The following CHRNA3 variants were observed in gnomAD, a reference collection of about 807,000 sequenced individuals.
CHRNA3 encodes cholinergic receptor nicotinic alpha 3 subunit.
In CHRNA3, 34 loss-of-function variants were observed where a neutral mutation model predicts 41.9. The observed-to-expected ratio is 0.81, with a 90% CI of 0.62 to 1.08. The LOEUF (loss-of-function observed/expected upper bound fraction) is 1.08. Ranked by LOEUF, CHRNA3 falls within the 50% of genes least tolerant of loss-of-function variation. CHRNA3 has a pLI of 0.00. For missense variants in CHRNA3, 542 were observed against 638.3 expected, an observed-to-expected ratio of 0.85 and a Z score of 1.63; for synonymous variants, 281 against 265.2, an observed-to-expected ratio of 1.06 and a Z score of -0.58.
At chr15:78,597,304 C>G (rs1050621894) in intron 5 of CHRNA3, among the ~76,000 whole-genome samples, 3 of 152,092 alleles carry the variant, frequency 2.0e-5, no homozygotes, top group African/African-American at 4.8e-5. Flanking sequence ...GTGGCACATG[C>G]CTGTAATCCC....
intron 4 of CHRNA3, among the ~76,000 whole-genome samples, chr15:78,612,203 T>C (rs1207095996): frequency 6.6e-6 from 1 of 151,818 alleles, no homozygotes; most frequent in Admixed American, 6.6e-5. Flanking sequence ...CTTCACAGAA[T>C]TGGAAAAAAC....
At chr15:78,617,941 T>C (rs570816400) in intron 3 of CHRNA3, among the ~76,000 whole-genome samples, 1 of 152,314 alleles carries the variant, frequency 6.6e-6, no homozygotes, top group African/African-American at 2.4e-5. Flanking sequence ...CAGCATCTTA[T>C]TCTGACTTAA....
intron 3 of CHRNA3, 146 bp downstream of exon 3, chr15:78,618,471 A>AAG (rs2053498519): frequency 1.2e-6 from 1 of 866,332 alleles, no homozygotes; most frequent in Non-Finnish European, 1.9e-6. Context: ...CAAGCCTTAG[A>AAG]AGAGATATAT....
Position 78,595,920 on chromosome 15 carries a change from A to C in CHRNA3, c.*684T>G, listed in dbSNP as rs1345418075. On this transcript the variant is annotated 3_prime_UTR_variant, in exon 6 of 6. Transcript: ENST00000326828. ...CTTTGAGGAAGAGGACCCTCACCAG[A>C]CACCAAATTTGCTGGTGCCTTGACC... 3.4e-6 allele frequency: 1 copy of C among 295,846 alleles called. No individual in the cohort carries two copies. Among genetic ancestry groups the C allele is most frequent in the East Asian group, 1.8e-4 (1 of 5,672 alleles). 18.3% of individuals were successfully genotyped at this position (295,846 alleles called of 1,614,324 possible).
intron 4 of CHRNA3, among the ~76,000 whole-genome samples, chr15:78,612,987 C>T (rs1285238322): frequency 8.5e-5 from 13 of 152,082 alleles, no homozygotes; most frequent in African/African-American, 3.1e-4. Context: ...CGTCACTGGC[C>T]ATCAGAGAAA....
intron 1 of CHRNA3, 94 bp from the exon 2 acceptor site, chr15:78,619,009 T>C: frequency 1.5e-6 from 2 of 1,366,104 alleles, no homozygotes; most frequent in Non-Finnish European, 2.0e-6. Context: ...CAGCATCCCC[T>C]CCACCTGTGG....
At chr15:78,603,431 C>T (rs1225416061) in intron 4 of CHRNA3, among the ~76,000 whole-genome samples, 1 of 152,236 alleles carries the variant, frequency 6.6e-6, no homozygotes, top group East Asian at 1.9e-4. Flanking sequence ...ATGAGGCCAT[C>T]TGAGAGCAAG....
intron 4 of CHRNA3, chr15:78,607,438 CACCTG>C (rs1390612604): frequency 5.9e-5 from 9 of 152,104 alleles, no homozygotes; most frequent in Admixed American, 5.2e-4. Context: ...TGATGGCTCA[CACCTG>C]TAATCCCAGC....
In CHRNA3 at chr15:78,602,135, A is replaced by G. The variant is rs772426129; in HGVS notation, c.507T>C (p.Asp169=). ...CGAACTTCATGGTACAGTTTTGGTA[A>G]TCAAACGGGAAGTAGGTCACGTCGA... is the stretch of plus-strand genomic sequence containing the variant. ...CKIDVTYFPF[D]YQNCTMKFGS... The change falls in exon 5 of 6, where the codon GAT becomes GAC. Residue 169 remains aspartate (D), a synonymous_variant. Transcript: ENST00000326828. 5 of 1,614,122 alleles carry G rather than the reference A, an allele frequency of 3.1e-6. No homozygotes were observed. The highest frequency in any genetic ancestry group is 1.7e-5 in the Admixed American group (1 of 60,012).
intron 4 of CHRNA3, among the ~76,000 whole-genome samples, chr15:78,605,108 TA>T (rs1246116690): frequency 6.6e-6 from 1 of 151,718 alleles, no homozygotes; most frequent in African/African-American, 2.4e-5. Context: ...GTGAGGCAAT[TA>T]AAAAAAGAAA....
chr15:78,597,267 C>A (rs12909340), intron 5 of CHRNA3, among the ~76,000 whole-genome samples: 4,176 of 152,018 alleles, frequency 0.027, 77 homozygotes, highest in Non-Finnish European at 0.043. Context: ...CTGTCTCTAC[C>A]AAAAATACAA....
At chr15:78,599,763 C>T (rs2053167608) in intron 5 of CHRNA3, 1 of 149,118 alleles carries the variant, frequency 6.7e-6, no homozygotes, top group African/African-American at 2.5e-5. Flanking sequence ...CACCTTTAAT[C>T]CTAGCACTTT....
chr15:78,616,690 G>A (rs990545527), intron 4 of CHRNA3, among the ~76,000 whole-genome samples: 1 of 151,938 alleles, frequency 6.6e-6, no homozygotes, highest in African/African-American at 2.4e-5. Flanking sequence ...CTGCCTCCCC[G>A]GGCCCTCCTC....
Position 78,601,669 on chromosome 15 carries a change from C to G in CHRNA3, c.973G>C (p.Val325Leu). Residue 325 changes from valine (V) to leucine (L), a missense_variant, in exon 5 of 6, where the codon GTG becomes CTG. Transcript: ENST00000326828. ...GGGGTTCTGTAGTGCACGTTGAGCA[C>G]GAAGACGGTGATGACGATGGACAAG... ...VTLSIVITVF[V>L]LNVHYRTPTT... is the part of the protein sequence containing the mutation. 6.2e-7 allele frequency: 1 copy of G among 1,614,026 alleles called. No homozygotes were observed. Among genetic ancestry groups the G allele is most frequent in the Non-Finnish European group, 8.5e-7 (1 of 1,180,014 alleles).
chr15:78,602,710 T>A (rs542333408), intron 4 of CHRNA3, among the ~76,000 whole-genome samples: 1 of 152,260 alleles, frequency 6.6e-6, no homozygotes, highest in South Asian at 2.1e-4. Flanking sequence ...AATGTGTGTG[T>A]GAAACCAGAC....
intron 4 of CHRNA3, among the ~76,000 whole-genome samples, chr15:78,604,487 G>A (rs543493215): frequency 9.8e-5 from 15 of 152,300 alleles, no homozygotes; most frequent in African/African-American, 3.1e-4. Flanking sequence ...AGCTGAGCTT[G>A]GCTGATGGCT....
intron 1 of CHRNA3, chr15:78,620,294 C>G: frequency 5.3e-6 from 1 of 187,506 alleles, no homozygotes. Flanking sequence ...CTTCAGCCAT[C>G]TCCGTCAAAT....
chr15:78,608,991 G>GATGAAATGA (rs1326967250), intron 4 of CHRNA3, among the ~76,000 whole-genome samples: 48 of 152,176 alleles, frequency 3.2e-4, no homozygotes, highest in African/African-American at 1.0e-3. Flanking sequence ...AGTGATGGAA[G>GATGAAATGA]ATGAAATGAA....
chr15:78,610,577 T>C (rs1175200145), intron 4 of CHRNA3, among the ~76,000 whole-genome samples: 2 of 151,824 alleles, frequency 1.3e-5, no homozygotes, highest in Middle Eastern at 3.2e-3. Flanking sequence ...TTCAAAGCAG[T>C]GTGTAGAGAG....
Sources: gnomAD v4.1 joint callset for allele counts (sites outside exome capture counted in the v4.1 genomes callset) on GRCh38, gnomAD v4.1.1 for gene constraint, MANE v1.5 for transcripts, NCBI Gene and HGNC (gene_info 2026-07-23, HGNC 2026-07-21) for gene names.